The following TMEM53 variants were observed in gnomAD, a reference collection of about 807,000 sequenced individuals.
TMEM53 encodes novel DUF829 domain-containing protein.
In TMEM53, 14 loss-of-function variants were observed where a neutral mutation model predicts 21.4. The observed-to-expected ratio is 0.65, with a 90% confidence interval of 0.43 to 1.02. TMEM53 has a LOEUF of 1.02. Ranked by LOEUF, TMEM53 falls within the 50% of genes least tolerant of loss-of-function variation. The probability of loss-of-function intolerance (pLI) is 0.00; values close to 1 mark genes in which losing one functional copy is unlikely to be tolerated. For missense variants in TMEM53, 323 were observed against 383.6 expected, an observed-to-expected ratio of 0.84 and a Z score of 1.32; for synonymous variants, 148 against 157.4, an observed-to-expected ratio of 0.94 and a Z score of 0.45.
At chr1:44,658,296 C>T (rs999701236) in intron 2 of TMEM53, among the ~76,000 whole-genome samples, 3 of 152,092 alleles carry the variant, frequency 2.0e-5, no homozygotes, top group Admixed American at 1.3e-4. Context: ...AAACACACCC[C>T]CCTCTACCCA....
chr1:44,658,187 A>G (rs1227795711), intron 2 of TMEM53, among the ~76,000 whole-genome samples: 1 of 151,960 alleles, frequency 6.6e-6, no homozygotes, highest in Non-Finnish European at 1.5e-5. Context: ...TGGGTTCCTC[A>G]GGACTGTCCT....
intron 1 of TMEM53, among the ~76,000 whole-genome samples, chr1:44,668,574 C>G (rs1573232890): frequency 1.3e-5 from 2 of 152,178 alleles, no homozygotes; most frequent in East Asian, 3.8e-4. Context: ...CAAGGTCTTT[C>G]TGTGTTGCCC....
intron 1 of TMEM53, among the ~76,000 whole-genome samples, chr1:44,668,105 T>C (rs72671974): frequency 0.043 from 6,522 of 152,282 alleles, 304 homozygotes; most frequent in African/African-American, 0.096. Context: ...TACTTTTTTA[T>C]TTGCAAGCCA....
chr1:44,674,149 G>C (rs905338144), intron 1 of TMEM53, 182 bp downstream of exon 1: 2 of 985,298 alleles, frequency 2.0e-6, no homozygotes, highest in African/African-American at 3.5e-5. Context: ...GAACACTCTG[G>C]GGCGGGACTT....
intron 1 of TMEM53, among the ~76,000 whole-genome samples, chr1:44,662,225 C>T (rs996834882): frequency 2.6e-5 from 4 of 152,204 alleles, no homozygotes; most frequent in East Asian, 1.9e-4. Context: ...ATTAACTGCC[C>T]GCACCGGTGG....
At chr1:44,661,404 CT>C (rs892031680) in intron 1 of TMEM53, among the ~76,000 whole-genome samples, 186 of 132,482 alleles carry the variant, frequency 1.4e-3, no homozygotes, top group Admixed American at 1.8e-3. Context: ...CTTTCTTTTT[CT>C]TTTTTTTTTT....
At chr1:44,663,078 G>T (rs1205494828) in intron 1 of TMEM53, among the ~76,000 whole-genome samples, 1 of 152,056 alleles carries the variant, frequency 6.6e-6, no homozygotes, top group Non-Finnish European at 1.5e-5. Context: ...TTGGAGATAG[G>T]GTCTCGCTCT....
intron 2 of TMEM53, among the ~76,000 whole-genome samples, chr1:44,659,657 C>G (rs1644881103): frequency 6.6e-6 from 1 of 152,174 alleles, no homozygotes; most frequent in African/African-American, 2.4e-5. Flanking sequence ...GAGGCACTGG[C>G]CAGTTAATAG....
chr1:44,662,180 C>G (rs567809019), intron 1 of TMEM53, among the ~76,000 whole-genome samples: 1 of 152,200 alleles, frequency 6.6e-6, no homozygotes, highest in Non-Finnish European at 1.5e-5. Context: ...TTCAATGTTC[C>G]TGCTCTCTAG....
intron 1 of TMEM53, among the ~76,000 whole-genome samples, chr1:44,665,133 T>C (rs1644937317): frequency 7.0e-6 from 1 of 143,166 alleles, no homozygotes; most frequent in Admixed American, 7.0e-5. Context: ...GCCCCTCCTC[T>C]GTACTGCCAC....
At chr1:44,665,043 A>G (rs1446467200) in intron 1 of TMEM53, among the ~76,000 whole-genome samples, 1 of 151,926 alleles carries the variant, frequency 6.6e-6, no homozygotes, top group Non-Finnish European at 1.5e-5. Context: ...CTCACTACTT[A>G]CTTCCAGGAA....
intron 2 of TMEM53, among the ~76,000 whole-genome samples, chr1:44,657,054 C>T (rs548231384): frequency 1.1e-4 from 17 of 151,650 alleles, no homozygotes; most frequent in African/African-American, 3.6e-4. Context: ...ACTAGCTTGG[C>T]GTGGTGGTGC....
At chr1:44,671,834 C>T (rs1269209356) in intron 1 of TMEM53, among the ~76,000 whole-genome samples, 1 of 152,156 alleles carries the variant, frequency 6.6e-6, no homozygotes, top group African/African-American at 2.4e-5. Flanking sequence ...GAGGCTGAAA[C>T]AGGAGAATTG....
chr1:44,658,955 C>T (rs1644874511), intron 2 of TMEM53, among the ~76,000 whole-genome samples: 1 of 152,180 alleles, frequency 6.6e-6, no homozygotes, highest in Non-Finnish European at 1.5e-5. Flanking sequence ...TCCCTTCATT[C>T]TTCATCCCAG....
At chr1:44,657,167 C>A (rs1404849418) in intron 2 of TMEM53, among the ~76,000 whole-genome samples, 1 of 152,186 alleles carries the variant, frequency 6.6e-6, no homozygotes, top group Admixed American at 6.5e-5. Flanking sequence ...GCACTCCAGC[C>A]TGGGTGACAG....
intron 1 of TMEM53, among the ~76,000 whole-genome samples, chr1:44,662,909 C>T (rs1269693356): frequency 6.6e-6 from 1 of 152,184 alleles, no homozygotes; most frequent in Non-Finnish European, 1.5e-5. Flanking sequence ...GGATTTGTAA[C>T]TCCGTTTTGC....
At chr1:44,670,940 G>A (rs1346763660) in intron 1 of TMEM53, among the ~76,000 whole-genome samples, 1 of 152,236 alleles carries the variant, frequency 6.6e-6, no homozygotes, top group African/African-American at 2.4e-5. Context: ...CTCTGGATGG[G>A]AGGAGGGGTG....
At position 44,655,496 on chromosome 1, in the gene TMEM53, G is replaced by A. The variant is rs751014901; in HGVS notation, c.184-287C>T. ...TGGTATTTGAGGCCCAGAGCCTGAAGCATATACTGGAGACACCTGGGCTGA... is the reference window on the plus strand; with the variant it reads ...TGGTATTTGAGGCCCAGAGCCTGAAACATATACTGGAGACACCTGGGCTGA... On this transcript the variant is annotated intron_variant, in intron 2 of 2. Transcript: ENST00000372237. This position sits in a 1 kb window ranked among gnomAD's most constrained non-coding sequence, Gnocchi z 4.4. 6.6e-6 allele frequency among the ~76,000 whole-genome samples: 1 copy of A among 152,182 alleles called. No individual in the cohort carries two copies. Among genetic ancestry groups the A allele is most frequent in the Admixed American group, 6.5e-5 (1 of 15,288 alleles).
At position 44,654,635 on chromosome 1, in the gene TMEM53, A is replaced by G; in HGVS notation, c.758T>C (p.Val253Ala). The change falls in exon 3 of 3, where the codon GTC becomes GCC. Residue 253 changes from valine (V) to alanine (A), a missense_variant. Val to Ala is a moderately conservative substitution (Grantham distance 64). This residue lies in a region of TMEM53 where 269 missense variants were observed against 334.5 expected (regional missense o/e 0.80). Transcript: ENST00000372237. The surrounding 1 kb of genome is among the most constrained non-coding windows in gnomAD (Gnocchi z 7.0). Reference protein sequence around the residue: ...RSVDFVSSAHVSHLRDYPTYY... With the variant: ...RSVDFVSSAHASHLRDYPTYY... ...AGTAGGGTAGTCACGGAGGTGGCTG[A>G]CGTGTGCAGATGACACGAAATCCAC... 6.2e-7 allele frequency: 1 copy of G among 1,614,002 alleles called. No homozygotes were observed. Among genetic ancestry groups the G allele is most frequent in the Non-Finnish European group, 8.5e-7 (1 of 1,180,004 alleles).
Sources: gnomAD v4.1 joint callset for allele counts (sites outside exome capture counted in the v4.1 genomes callset) on GRCh38, gnomAD v4.1.1 for gene constraint, gnomAD v4.1.1 regional missense constraint, Gnocchi (gnomAD v3.1) non-coding constraint, MANE v1.5 for transcripts, NCBI Gene and HGNC (gene_info 2026-07-23, HGNC 2026-07-21) for gene names.